Variants in PTPRT observed in about 807,000 individuals in gnomAD.
PTPRT encodes the protein receptor-type tyrosine-protein phosphatase T.
A neutral mutation model predicts 176.8 loss-of-function variants in PTPRT; 56 were observed. The observed-to-expected ratio is 0.32, with a 90% CI of 0.26 to 0.40. The LOEUF is 0.40. Ranked by LOEUF, PTPRT falls within the 10% of genes least tolerant of loss-of-function variation. The pLI is 1.00. For synonymous variants in PTPRT, 783 were observed against 739.0 expected, an observed-to-expected ratio of 1.06 and a Z score of -0.96; for missense variants, 1,540 against 1,908.2, an observed-to-expected ratio of 0.81 and a Z score of 3.60.
intron 16 of PTPRT, among the ~76,000 whole-genome samples, chr20:42,177,061 T>C (rs1184092590): frequency 6.6e-6 from 1 of 152,254 alleles, no homozygotes; most frequent in Non-Finnish European, 1.5e-5. Flanking sequence ...TCTTGCACAA[T>C]TACCTTCACC....
At chr20:42,102,051 A>G (rs1985991522) in intron 26 of PTPRT, 73 bp downstream of exon 26, 1 of 1,551,140 alleles carries the variant, frequency 6.4e-7, no homozygotes, top group Admixed American at 1.7e-5. Flanking sequence ...CCTGAGGTCC[A>G]GCCACCTCCA....
intron 2 of PTPRT, among the ~76,000 whole-genome samples, chr20:42,809,907 T>TG (rs151262560): frequency 0.028 from 4,281 of 152,252 alleles, 186 homozygotes; most frequent in African/African-American, 0.096. Context: ...TGCACAATGC[T>TG]GGGGGGCCGT....
intron 16 of PTPRT, among the ~76,000 whole-genome samples, chr20:42,163,572 A>G (rs1192193068): frequency 1.3e-5 from 2 of 152,162 alleles, no homozygotes; most frequent in Non-Finnish European, 2.9e-5. Flanking sequence ...GCCAAGGACT[A>G]TGGTAGGCAG....
chr20:42,866,156 G>A (rs1022659960), intron 2 of PTPRT, among the ~76,000 whole-genome samples: 1 of 152,164 alleles, frequency 6.6e-6, no homozygotes, highest in African/African-American at 2.4e-5. Context: ...CAGTCTACCT[G>A]CTCACTGAGA....
intron 7 of PTPRT, among the ~76,000 whole-genome samples, chr20:42,487,376 T>C (rs1205175440): frequency 6.6e-6 from 1 of 152,166 alleles, no homozygotes; most frequent in Non-Finnish European, 1.5e-5. Context: ...CACACCCTGA[T>C]ATCCTCTGCC....
chr20:42,058,285 G>T, the PTPRT span, among the ~76,000 whole-genome samples: 2 of 152,110 alleles, frequency 1.3e-5, no homozygotes, highest in African/African-American at 4.8e-5. Flanking sequence ...TCATATAAAG[G>T]TTCTCTTAGT....
intron 7 of PTPRT, among the ~76,000 whole-genome samples, chr20:42,599,388 C>T (rs371838957): frequency 5.3e-5 from 8 of 152,094 alleles, no homozygotes; most frequent in Admixed American, 1.3e-4. Flanking sequence ...TGCAAACCAC[C>T]GGAGCTTAAT....
chr20:42,896,402 C>CT (rs1314080102), intron 1 of PTPRT, among the ~76,000 whole-genome samples: 2 of 152,108 alleles, frequency 1.3e-5, no homozygotes, highest in Non-Finnish European at 2.9e-5. Context: ...TTTGGGAGGC[C>CT]TAGGCGGGTG....
chr20:42,830,752 G>T lies in PTPRT; in HGVS notation c.215-39286C>A, dbSNP rs112057396. Among the ~76,000 whole-genome samples, 245 of 152,246 alleles carry T rather than the reference G, an allele frequency of 1.6e-3. 1 individual carries two copies. The highest frequency in any genetic ancestry group is 5.4e-3 in the African/African-American group (224 of 41,534). ...CTAGCATTTCTATACACCAACAACA[G>T]CCAAGCTGAGTGCCAAATCAGAAGC... On this transcript the variant is annotated intron_variant, in intron 2 of 30. Coordinates refer to ENST00000373187, the MANE Select transcript of PTPRT (RefSeq NM_007050.6).
chr20:42,841,050 C>CCAAG (rs555105849), intron 2 of PTPRT, among the ~76,000 whole-genome samples: 63 of 152,252 alleles, frequency 4.1e-4, no homozygotes, highest in African/African-American at 1.5e-3. Context: ...GCTAAATTTC[C>CCAAG]CAAGCACCCT....
intron 3 of PTPRT, among the ~76,000 whole-genome samples, chr20:42,788,738 C>A (rs917202644): frequency 1.3e-5 from 2 of 152,200 alleles, no homozygotes; most frequent in African/African-American, 4.8e-5. Flanking sequence ...GATTCTCCAG[C>A]AATGGAGGAT....
chr20:43,124,021 G>C (rs1250478954), intron 1 of PTPRT, among the ~76,000 whole-genome samples: 1 of 152,224 alleles, frequency 6.6e-6, no homozygotes, highest in Non-Finnish European at 1.5e-5. Flanking sequence ...ATTTTTAAAA[G>C]AGAAAATGAA....
intron 7 of PTPRT, among the ~76,000 whole-genome samples, chr20:42,506,732 A>C (rs917612280): frequency 2.0e-5 from 3 of 152,134 alleles, no homozygotes; most frequent in East Asian, 3.9e-4. Flanking sequence ...GTGAAAAAAA[A>C]CACTGAGATT....
chr20:42,596,029 GAGA>G (rs1332263327), intron 7 of PTPRT, among the ~76,000 whole-genome samples: 2 of 152,164 alleles, frequency 1.3e-5, no homozygotes, highest in African/African-American at 4.8e-5. Flanking sequence ...TTAGTAGGAA[GAGA>G]AGAAGAGCCT....
At chr20:42,490,859 T>C (rs2071550221) in intron 7 of PTPRT, among the ~76,000 whole-genome samples, 1 of 152,154 alleles carries the variant, frequency 6.6e-6, no homozygotes, top group Admixed American at 6.6e-5. Context: ...AGTTTCCCTT[T>C]ATTTTCTAAG....
chr20:42,514,850 A>G (rs1355477371), intron 7 of PTPRT, among the ~76,000 whole-genome samples: 2 of 152,204 alleles, frequency 1.3e-5, no homozygotes, highest in African/African-American at 4.8e-5. Flanking sequence ...ACCGTTCCAC[A>G]TATGTATAGG....
chr20:42,075,917 C>T lies in PTPRT; in HGVS notation c.*4962G>A, dbSNP rs1363533265. The T allele has an allele frequency of 9.5e-6, 2 of 211,532 alleles. No homozygotes were observed. The highest frequency in any genetic ancestry group is 1.9e-5 in the Non-Finnish European group (2 of 104,404). 13.1% of individuals were successfully genotyped at this position (211,532 alleles called of 1,614,324 possible). ...GGCAAGCTGTTACCCATCCTTTCTC[C>T]AGCTATGTCACAGAAGTGACCATTT... On this transcript the variant is annotated 3_prime_UTR_variant, in exon 31 of 31. Transcript: ENST00000373187.
In PTPRT at chr20:42,199,294, C is replaced by T. The variant is rs61749502; in HGVS notation, c.2437G>A (p.Ala813Thr). ...GAGAAGCCTTCATCATTGCGGCTGG[C>T]GCTGAGCTTGGTGGTGGGTTTGTCG... The part of the protein sequence containing the change: ...SADKPTTKLS[A>T]SRNDEGFSSS... The change falls in exon 16 of 31, where the codon GCC becomes ACC. Residue 813 changes from alanine (A) to threonine (T), a missense_variant. Physicochemically the swap from Ala to Thr is moderately conservative, Grantham distance 58 (BLOSUM62 0). Coordinates refer to ENST00000373187, the MANE Select transcript of PTPRT (RefSeq NM_007050.6). 7,212 of 1,614,112 alleles carry T rather than the reference C, an allele frequency of 4.5e-3. 242 individuals carry two copies. In the African/African-American group the frequency reaches 0.08, roughly 18 times the overall value.
the PTPRT span, among the ~76,000 whole-genome samples, chr20:42,045,359 C>A: frequency 6.6e-6 from 1 of 151,856 alleles, no homozygotes; most frequent in African/African-American, 2.4e-5. Context: ...AAGAAATACA[C>A]TGAGTGGCTC....
Sources: allele counts gnomAD v4.1 joint callset (sites outside exome capture counted in the v4.1 genomes callset), GRCh38; gene constraint gnomAD v4.1.1; transcripts MANE v1.5; gene names NCBI Gene and HGNC (gene_info 2026-07-23, HGNC 2026-07-21).